The following YWHAE variants were observed in gnomAD, a reference collection of about 807,000 sequenced individuals.
The protein encoded by YWHAE is 14-3-3 protein epsilon.
A neutral mutation model predicts 30.1 loss-of-function variants in YWHAE; 4 were observed. The ratio of observed to expected loss-of-function variants is 0.13; its 90% CI spans 0.07 to 0.30. The LOEUF (loss-of-function observed/expected upper bound fraction) is 0.30, where lower values mean the gene tolerates loss of function less well. YWHAE is among the 10% of genes least tolerant of loss of function. The probability of loss-of-function intolerance (pLI) is 1.00; values close to 1 mark genes in which losing one functional copy is unlikely to be tolerated. For synonymous variants in YWHAE, 118 were observed against 111.8 expected, an observed-to-expected ratio of 1.06 and a Z score of -0.35; for missense variants, 121 against 315.9, an observed-to-expected ratio of 0.38 and a Z score of 4.68.
In YWHAE at chr17:1,344,558, GTTTGT is replaced by G. The variant is rs1193617845; in HGVS notation, c.*884_*888del. ...GCGATATTTGGCATTTTTAATTTAG[GTTTGT>G]TTTATTTAAGTTTAATGTTAATTCC... On this transcript the variant is annotated 3_prime_UTR_variant, in exon 6 of 6. Coordinates refer to ENST00000264335, the MANE Select transcript of YWHAE (RefSeq NM_006761.5). 9.9e-6 allele frequency: 2 copies of G among 201,524 alleles called. No individual in the cohort carries two copies. Among genetic ancestry groups the G allele is most frequent in the Non-Finnish European group, 2.0e-5 (2 of 97,624 alleles). The allele number at this position is 201,524 out of a possible 1,614,324, so 12.5% of individuals were successfully genotyped here.
intron 2 of YWHAE, among the ~76,000 whole-genome samples, chr17:1,362,697 A>G (rs1380189790): frequency 1.3e-5 from 2 of 152,090 alleles, no homozygotes; most frequent in African/African-American, 4.8e-5. Flanking sequence ...CTCATGCAGC[A>G]CTACTGCTGA....
intron 1 of YWHAE, among the ~76,000 whole-genome samples, chr17:1,369,018 T>C (rs956700252): frequency 6.6e-6 from 1 of 152,224 alleles, no homozygotes; most frequent in South Asian, 2.1e-4. Flanking sequence ...ATTTTTATAA[T>C]GCAAAGAGAA....
chr17:1,398,341 C>CCCAT (rs57778701), intron 1 of YWHAE, among the ~76,000 whole-genome samples: 1 of 148,500 alleles, frequency 6.7e-6, no homozygotes, highest in Non-Finnish European at 1.5e-5. Context: ...TTATCCCCCC[C>CCCAT]CCCAACAGGA....
intron 5 of YWHAE, among the ~76,000 whole-genome samples, chr17:1,351,132 G>A (rs2072624790): frequency 6.7e-6 from 1 of 148,596 alleles, no homozygotes; most frequent in Non-Finnish European, 1.5e-5. Context: ...AGGCCGAGAT[G>A]GGCAGATCAC....
At chr17:1,360,516 C>G (rs2072847808) in intron 4 of YWHAE, among the ~76,000 whole-genome samples, 1 of 152,094 alleles carries the variant, frequency 6.6e-6, no homozygotes, top group Non-Finnish European at 1.5e-5. Flanking sequence ...AATCTCAGCA[C>G]TTTGGGAGGC....
intron 1 of YWHAE, among the ~76,000 whole-genome samples, chr17:1,382,168 C>G (rs896081947): frequency 1.3e-5 from 2 of 151,736 alleles, no homozygotes; most frequent in Admixed American, 6.6e-5. Context: ...CCTGCCTCAG[C>G]CTCCCATGTA....
chr17:1,362,847 TAG>T (rs1284440887), intron 2 of YWHAE, among the ~76,000 whole-genome samples: 1 of 152,120 alleles, frequency 6.6e-6, no homozygotes, highest in Non-Finnish European at 1.5e-5. Flanking sequence ...GCTTTTCCAA[TAG>T]AGACTGGTCT....
At chr17:1,386,973 A>C (rs921600857) in intron 1 of YWHAE, among the ~76,000 whole-genome samples, 15 of 146,932 alleles carry the variant, frequency 1.0e-4, no homozygotes, top group African/African-American at 3.8e-4. Context: ...AAAAAAAAAA[A>C]GAGGAAAACA....
chr17:1,358,075 G>A (rs1358281723), intron 4 of YWHAE, among the ~76,000 whole-genome samples: 2 of 151,760 alleles, frequency 1.3e-5, no homozygotes, highest in East Asian at 2.0e-4. Context: ...CTTAACAAAC[G>A]AAAAAAACAT....
At chr17:1,386,738 C>T (rs1473908890) in intron 1 of YWHAE, among the ~76,000 whole-genome samples, 1 of 152,098 alleles carries the variant, frequency 6.6e-6, no homozygotes, top group Admixed American at 6.6e-5. Flanking sequence ...TCACCTGAGG[C>T]CAGAAGTTTG....
intron 1 of YWHAE, among the ~76,000 whole-genome samples, chr17:1,376,563 G>A (rs574696924): frequency 6.6e-6 from 1 of 151,254 alleles, no homozygotes; most frequent in East Asian, 2.0e-4. Context: ...CCAACTCCTG[G>A]GCTCAAGCAA....
intron 1 of YWHAE, among the ~76,000 whole-genome samples, chr17:1,368,719 G>A (rs989554101): frequency 2.6e-5 from 4 of 152,164 alleles, no homozygotes; most frequent in East Asian, 1.9e-4. Context: ...ATAGGTAATC[G>A]TACCTCCATA....
At chr17:1,356,086 G>A (rs964890811) in intron 4 of YWHAE, among the ~76,000 whole-genome samples, 35 of 152,092 alleles carry the variant, frequency 2.3e-4, no homozygotes, top group African/African-American at 8.0e-4. Flanking sequence ...GGAGAATGGT[G>A]TGAACCCAGG....
chr17:1,377,075 G>A (rs1429982459), intron 1 of YWHAE, among the ~76,000 whole-genome samples: 4 of 151,878 alleles, frequency 2.6e-5, no homozygotes, highest in Admixed American at 2.0e-4. Context: ...CAACGTGCAC[G>A]GCTAATTTTT....
rs780033254 is a variant in YWHAE, at chr17:1,346,861, C to CA, written c.716-1363dup. Among the ~76,000 whole-genome samples, 53 of 151,166 alleles carry CA rather than the reference C, an allele frequency of 3.5e-4. 2 individuals carry two copies. The highest frequency in any genetic ancestry group is 6.0e-4 in the Non-Finnish European group (41 of 67,850). ...AAAAAATTAGCCTGGCGTGGTGGCA[C>CA]ATGCCTGTAATCCCAGCTACCTGGG... On this transcript the variant is annotated intron_variant, in intron 5 of 5. Coordinates refer to ENST00000264335, the MANE Select transcript of YWHAE (RefSeq NM_006761.5).
In YWHAE at chr17:1,354,117, G is replaced by T; in HGVS notation, c.715+94C>A. The T allele has an allele frequency of 2.0e-6, 3 of 1,467,258 alleles. No homozygotes were observed. In the South Asian group the frequency reaches 4.1e-5, roughly 20 times the overall value. 90.9% of individuals were successfully genotyped at this position (1,467,258 alleles called of 1,614,324 possible). A position where few individuals can be genotyped will look rare whatever the true frequency, so the allele number is the denominator to read the frequency against. On this transcript the variant is annotated intron_variant, in intron 5 of 5. Transcript: ENST00000264335. The stretch of plus-strand genomic sequence containing the variant: ...GGGCAGGCGGTGAATCTAAATTCTA[G>T]CTTGATATAACGACAAGCCAAGGAA...
Position 1,345,435 on chromosome 17 carries a change from T to G in YWHAE, c.*12A>C, listed in dbSNP as rs201260042. 334 of 1,613,842 alleles carry G rather than the reference T, an allele frequency of 2.1e-4. No individual in the cohort carries two copies. Among genetic ancestry groups the G allele is most frequent in the African/African-American group, 5.3e-5 (4 of 75,014 alleles). ...GGGTGGTCAGAGATGGTTTCTCTTG[T>G]TGGCTTATGTCTCACTGATTTTCGT... On this transcript the variant is annotated 3_prime_UTR_variant, in exon 6 of 6. Transcript: ENST00000264335.
chr17:1,390,828 A>G (rs1253824352), intron 1 of YWHAE, among the ~76,000 whole-genome samples: 1 of 152,190 alleles, frequency 6.6e-6, no homozygotes, highest in Non-Finnish European at 1.5e-5. Context: ...TCCAGCTACT[A>G]TGGTAGATTG....
chr17:1,378,518 A>G (rs1335639322), intron 1 of YWHAE, among the ~76,000 whole-genome samples: 2 of 152,238 alleles, frequency 1.3e-5, no homozygotes, highest in African/African-American at 4.8e-5. Flanking sequence ...AATTTTTTCT[A>G]AAACGATTAT....
Sources: gnomAD v4.1 joint callset for allele counts (sites outside exome capture counted in the v4.1 genomes callset) on GRCh38, gnomAD v4.1.1 for gene constraint, MANE v1.5 for transcripts, NCBI Gene and HGNC (gene_info 2026-07-23, HGNC 2026-07-21) for gene names.